The following CRADD variants were observed in gnomAD, a reference collection of about 807,000 sequenced individuals.
CRADD encodes CARD and death domain containing adaptor protein.
Under a neutral mutation model 15.5 loss-of-function variants are expected in CRADD, and 9 were observed. The ratio of observed to expected loss-of-function variants is 0.58; its 90% confidence interval spans 0.35 to 1.01. CRADD has a LOEUF of 1.01. CRADD is among the 50% of genes least tolerant of loss of function. The pLI is 0.02. For missense variants in CRADD, 227 were observed against 250.3 expected (o/e 0.91, Z 0.63); for synonymous variants, 118 against 107.6 (o/e 1.10, Z -0.60).
intron 2 of CRADD, among the ~76,000 whole-genome samples, chr12:93,862,759 T>C (rs573082040): frequency 6.6e-6 from 1 of 152,282 alleles, no homozygotes; most frequent in East Asian, 1.9e-4. Context: ...TTCCCAAACT[T>C]ATTTGACATT....
chr12:93,688,494 C>CAA (rs143174603), intron 2 of CRADD, among the ~76,000 whole-genome samples: 5,170 of 80,528 alleles, frequency 0.064, 143 homozygotes, highest in South Asian at 0.11. Flanking sequence ...GACCCTGTCT[C>CAA]AAAAAAAAAA....
intron 2 of CRADD, among the ~76,000 whole-genome samples, chr12:93,783,363 G>T (rs2136975064): frequency 6.6e-6 from 1 of 151,126 alleles, no homozygotes; most frequent in Non-Finnish European, 1.5e-5. Flanking sequence ...GAGCTCTTTT[G>T]TTTTATTTTA....
At chr12:93,723,687 C>G (rs1296931464) in intron 2 of CRADD, among the ~76,000 whole-genome samples, 1 of 152,138 alleles carries the variant, frequency 6.6e-6, no homozygotes, top group East Asian at 1.9e-4. Flanking sequence ...ATCGGCTTTG[C>G]TGGGCAGTGG....
chr12:93,847,313 A>G (rs963883207), intron 2 of CRADD, among the ~76,000 whole-genome samples: 14 of 151,748 alleles, frequency 9.2e-5, no homozygotes, highest in African/African-American at 3.4e-4. Context: ...GGGAAATAAC[A>G]TTATTTAAAT....
At chr12:93,841,585 C>T (rs933529443) in intron 2 of CRADD, among the ~76,000 whole-genome samples, 3 of 152,104 alleles carry the variant, frequency 2.0e-5, no homozygotes, top group Non-Finnish European at 2.9e-5. Context: ...CTGTTTTTTC[C>T]TGCACCAATA....
intron 2 of CRADD, among the ~76,000 whole-genome samples, chr12:93,814,886 A>G (rs916898607): frequency 6.6e-6 from 1 of 152,202 alleles, no homozygotes; most frequent in Non-Finnish European, 1.5e-5. Context: ...CCATTCCTAG[A>G]TCTAATATCA....
intron 2 of CRADD, among the ~76,000 whole-genome samples, chr12:93,733,005 C>G (rs1018604801): frequency 6.6e-6 from 1 of 152,190 alleles, no homozygotes; most frequent in Admixed American, 6.5e-5. Flanking sequence ...TCATTCTGCT[C>G]TGTGCCTCAA....
chr12:93,703,924 A>G (rs186606121), intron 2 of CRADD, among the ~76,000 whole-genome samples: 32 of 150,626 alleles, frequency 2.1e-4, no homozygotes, highest in African/African-American at 7.3e-4. Context: ...TTGTAGATTC[A>G]TACATGCTTT....
chr12:93,789,211 G>T (rs1390888148), intron 2 of CRADD, among the ~76,000 whole-genome samples: 1 of 151,842 alleles, frequency 6.6e-6, no homozygotes, highest in East Asian at 1.9e-4. Flanking sequence ...CCAAGCAGAG[G>T]CTAAGAAGTA....
At chr12:93,881,441 G>A (rs7301714) in intron 2 of CRADD, among the ~76,000 whole-genome samples, 2 of 90,908 alleles carry the variant, frequency 2.2e-5, no homozygotes, top group African/African-American at 7.3e-5. Flanking sequence ...AAAAAGTGTG[G>A]GGGGGGGGTG....
chr12:93,761,172 T>A (rs933227065), intron 2 of CRADD, among the ~76,000 whole-genome samples: 7 of 152,170 alleles, frequency 4.6e-5, no homozygotes, highest in Admixed American at 3.9e-4. Context: ...ATCAGCATTT[T>A]AAAAAAATTC....
At chr12:93,890,476 G>C (rs1419382204) in intron 2 of CRADD, among the ~76,000 whole-genome samples, 1 of 152,150 alleles carries the variant, frequency 6.6e-6, no homozygotes, top group East Asian at 1.9e-4. Context: ...GAAAAACATT[G>C]TTTGAGCTCA....
chr12:93,742,291 C>A (rs1219148740), intron 2 of CRADD, among the ~76,000 whole-genome samples: 1 of 152,092 alleles, frequency 6.6e-6, no homozygotes, highest in Non-Finnish European at 1.5e-5. Context: ...TCTAGGGAAC[C>A]CGGCTCTTTC....
In CRADD at chr12:93,719,113, T is replaced by C. The variant is rs1592924305; in HGVS notation, c.298+40041T>C. 2.0e-5 allele frequency among the ~76,000 whole-genome samples: 3 copies of C among 152,152 alleles called. No homozygotes were observed. In the East Asian group the frequency reaches 5.8e-4, roughly 29 times the overall value. ...GCTGCAGGGTTTTTAAAAATATGTT[T>C]TTTATCAAGTTGAGGAGATTCCCTT... On this transcript the variant is annotated intron_variant, in intron 2 of 2. Transcript: ENST00000332896.
At chr12:93,871,237 A>G (rs1049490665) in intron 2 of CRADD, among the ~76,000 whole-genome samples, 6 of 152,208 alleles carry the variant, frequency 3.9e-5, no homozygotes, top group Non-Finnish European at 8.8e-5. Context: ...ACTCCCTGTC[A>G]TCTTATCCAT....
chr12:93,893,981 C>G, intron 2 of CRADD: 2 of 701,174 alleles, frequency 2.9e-6, no homozygotes, highest in Non-Finnish European at 5.2e-6. Flanking sequence ...TCTCAAAGTG[C>G]ACCACACACA....
At chr12:93,703,165 G>C (rs1050129922) in intron 2 of CRADD, among the ~76,000 whole-genome samples, 7 of 152,034 alleles carry the variant, frequency 4.6e-5, no homozygotes, top group Non-Finnish European at 1.0e-4. Context: ...GGTCACAAAA[G>C]AAGTTTCTCT....
At chr12:93,840,137 A>G (rs1271540869) in intron 2 of CRADD, among the ~76,000 whole-genome samples, 1 of 152,190 alleles carries the variant, frequency 6.6e-6, no homozygotes, top group Non-Finnish European at 1.5e-5. Flanking sequence ...TTTCCCCATT[A>G]TGGAATTTTA....
At chr12:93,798,768 ACT>A (rs1957447071) in intron 2 of CRADD, among the ~76,000 whole-genome samples, 1 of 152,188 alleles carries the variant, frequency 6.6e-6, no homozygotes. Flanking sequence ...TTTGGCAAGA[ACT>A]TCCCCTCCAG....
Sources: gnomAD v4.1 joint callset for allele counts (sites outside exome capture counted in the v4.1 genomes callset) on GRCh38, gnomAD v4.1.1 for gene constraint, MANE v1.5 for transcripts, NCBI Gene and HGNC (gene_info 2026-07-23, HGNC 2026-07-21) for gene names.